The following AFF3 variants were observed in gnomAD, a reference collection of about 807,000 sequenced individuals.
The protein encoded by AFF3 is AF4/FMR2 family member 3.
A neutral mutation model predicts 129.7 loss-of-function variants in AFF3; 32 were observed. That is an observed-to-expected ratio of 0.25 (90% confidence interval 0.19 to 0.33). The LOEUF (loss-of-function observed/expected upper bound fraction) is 0.33. AFF3 is among the 10% of genes least tolerant of loss of function. The pLI, the probability that AFF3 is intolerant of heterozygous loss-of-function variation, is 1.00. For missense variants in AFF3, 1,373 were observed against 1,592.0 expected (o/e 0.86, Z 2.34); for synonymous variants, 644 against 635.4 (o/e 1.01, Z -0.20).
chr2:100,005,840 T>C (rs1316195290), intron 7 of AFF3, among the ~76,000 whole-genome samples: 1 of 152,216 alleles, frequency 6.6e-6, no homozygotes, highest in Non-Finnish European at 1.5e-5. Flanking sequence ...GGTTATTAAA[T>C]CAAATTAAGA....
intron 11 of AFF3, among the ~76,000 whole-genome samples, chr2:99,720,889 C>T (rs1678829558): frequency 6.6e-6 from 1 of 152,186 alleles, no homozygotes; most frequent in African/African-American, 2.4e-5. Context: ...CATATCACTT[C>T]ACATAAAATG....
At chr2:99,745,894 T>C (rs1032873434) in intron 9 of AFF3, among the ~76,000 whole-genome samples, 14 of 152,194 alleles carry the variant, frequency 9.2e-5, no homozygotes, top group African/African-American at 3.1e-4. Context: ...ACATACCATA[T>C]GTTCTTATAA....
chr2:100,063,062 C>A (rs577361178), intron 4 of AFF3, among the ~76,000 whole-genome samples: 1 of 152,090 alleles, frequency 6.6e-6, no homozygotes. Flanking sequence ...ACCAGCCTGG[C>A]CAACATGGTG....
intron 7 of AFF3, among the ~76,000 whole-genome samples, chr2:99,885,273 C>T (rs951467390): frequency 3.4e-4 from 51 of 152,198 alleles, no homozygotes; most frequent in African/African-American, 1.1e-3. Flanking sequence ...CCCTACCTCA[C>T]ACACAAAGGC....
At chr2:100,111,370 G>A (rs1691505950) in intron 2 of AFF3, among the ~76,000 whole-genome samples, 2 of 152,232 alleles carry the variant, frequency 1.3e-5, no homozygotes, top group Admixed American at 1.3e-4. Context: ...TTCCTTACAT[G>A]TAATCTTGAC....
At chr2:99,755,978 C>T (rs1290164551) in intron 8 of AFF3, among the ~76,000 whole-genome samples, 2 of 152,232 alleles carry the variant, frequency 1.3e-5, no homozygotes, top group African/African-American at 4.8e-5. Context: ...TCTGGCTTCT[C>T]TGATTCTATA....
At chr2:99,946,571 G>T (rs1326309071) in intron 7 of AFF3, among the ~76,000 whole-genome samples, 2 of 147,652 alleles carry the variant, frequency 1.4e-5, no homozygotes, top group Non-Finnish European at 3.0e-5. Context: ...CCCACTGTCT[G>T]CAGAATTTCC....
At chr2:100,031,226 TA>T (rs758786787) in intron 4 of AFF3, among the ~76,000 whole-genome samples, 13 of 152,308 alleles carry the variant, frequency 8.5e-5, no homozygotes, top group South Asian at 2.1e-4. Context: ...GAAACTGCTA[TA>T]CATGCATACT....
At chr2:99,986,588 T>C (rs1473871399) in intron 7 of AFF3, among the ~76,000 whole-genome samples, 1 of 152,214 alleles carries the variant, frequency 6.6e-6, no homozygotes, top group Non-Finnish European at 1.5e-5. Flanking sequence ...GCAAAGAAGC[T>C]GTTTTAAACC....
intron 7 of AFF3, among the ~76,000 whole-genome samples, chr2:99,973,915 G>C (rs892034606): frequency 1.3e-5 from 2 of 152,086 alleles, no homozygotes; most frequent in Non-Finnish European, 2.9e-5. Context: ...GTCCTGCCTT[G>C]AGCCAGAAGT....
chr2:99,787,206 A>T (rs560153656), intron 8 of AFF3, among the ~76,000 whole-genome samples: 2 of 152,262 alleles, frequency 1.3e-5, no homozygotes, highest in Non-Finnish European at 2.9e-5. Flanking sequence ...CACTCACTCC[A>T]ACCGAAGCCA....
At chr2:99,771,413 G>T (rs149879686) in intron 8 of AFF3, among the ~76,000 whole-genome samples, 1 of 142,176 alleles carries the variant, frequency 7.0e-6, no homozygotes, top group South Asian at 2.3e-4. Flanking sequence ...AAATGAAGAA[G>T]AAAAAAAAAA....
At chr2:99,600,694 A>G (rs1679745292) in intron 14 of AFF3, among the ~76,000 whole-genome samples, 1 of 152,236 alleles carries the variant, frequency 6.6e-6, no homozygotes, top group Admixed American at 6.5e-5. Context: ...GTCTACCCTT[A>G]GAGCTCTGCA....
chr2:99,757,471 T>A (rs1224957900), intron 8 of AFF3, among the ~76,000 whole-genome samples: 8 of 152,246 alleles, frequency 5.3e-5, no homozygotes, highest in Admixed American at 5.2e-4. Flanking sequence ...TCTCATTTAT[T>A]AAGCATTTAA....
At chr2:99,856,377 T>G (rs1690530231) in intron 7 of AFF3, among the ~76,000 whole-genome samples, 1 of 152,062 alleles carries the variant, frequency 6.6e-6, no homozygotes, top group African/African-American at 2.4e-5. Context: ...TGAACTCACA[T>G]GGGGAGAGAC....
intron 2 of AFF3, among the ~76,000 whole-genome samples, chr2:100,119,779 A>G (rs555183666): frequency 3.3e-5 from 5 of 152,346 alleles, no homozygotes; most frequent in African/African-American, 1.2e-4. Flanking sequence ...CATGTCAGCC[A>G]TTCCCGGAGT....
In AFF3 at chr2:99,593,503, T is replaced by A; in HGVS notation, c.2158A>T (p.Arg720Trp). 1.2e-6 allele frequency: 2 copies of A among 1,613,466 alleles called. 1 individual carries two copies. Among genetic ancestry groups the A allele is most frequent in the South Asian group, 2.2e-5 (2 of 91,084 alleles). The change falls in exon 15 of 25, where the codon AGG becomes TGG. Residue 720 changes from arginine (R) to tryptophan (W), a missense_variant. By Grantham distance (101) the Arg-to-Trp change is moderately radical (BLOSUM62 -3). Around this residue, in one of 9 missense-constraint regions of AFF3, gnomAD observed 466 missense variants for 505.0 expected, o/e 0.92. Transcript: ENST00000672756. ...EAAANGGSGP[R>W]APVGSINART... ...GCGTTGATGGAGCCTACAGGGGCCC[T>A]AGGACCACTGCCCCCGTTGGCAGCG...
intron 2 of AFF3, among the ~76,000 whole-genome samples, chr2:100,125,099 G>A (rs1260076046): frequency 1.3e-5 from 2 of 152,100 alleles, no homozygotes; most frequent in Admixed American, 6.5e-5. Flanking sequence ...AGAGGAGAGG[G>A]CCATCAATAA....
At chr2:100,075,734 C>A (rs546610109) in intron 4 of AFF3, among the ~76,000 whole-genome samples, 6 of 152,202 alleles carry the variant, frequency 3.9e-5, no homozygotes, top group Non-Finnish European at 5.9e-5. Flanking sequence ...GGCCAAATTC[C>A]CAGAATGCAT....
Sources: gnomAD v4.1 joint callset for allele counts (sites outside exome capture counted in the v4.1 genomes callset) on GRCh38, gnomAD v4.1.1 for gene constraint, gnomAD v4.1.1 regional missense constraint, MANE v1.5 for transcripts, NCBI Gene and HGNC (gene_info 2026-07-23, HGNC 2026-07-21) for gene names.